The following ABCB5 variants were observed in gnomAD, a reference collection of about 807,000 sequenced individuals.
ABCB5 encodes the protein ATP-binding cassette sub-family B member 5.
Under a neutral mutation model 144.2 loss-of-function variants are expected in ABCB5, and 155 were observed. That is an observed-to-expected ratio of 1.08 (90% CI 0.94 to 1.23). The LOEUF (loss-of-function observed/expected upper bound fraction) is 1.23, where lower values mean the gene tolerates loss of function less well. Ranked by LOEUF, ABCB5 falls within the 50% of genes most tolerant of loss-of-function variation. ABCB5 has a pLI of 0.00. For synonymous variants in ABCB5, 610 were observed against 528.6 expected (o/e 1.15, Z -2.11); for missense variants, 1,830 against 1,520.8 (o/e 1.20, Z -3.38).
Position 20,755,628 on chromosome 7 carries a change from T to C in ABCB5, c.*4T>C. ...GAATGCACAGTCAGTGCAGTGATGC[T>C]GTTGAGGTAGCACATATTTTGATGT... On this transcript the variant is annotated 3_prime_UTR_variant, in exon 28 of 28. Transcript: ENST00000404938. 1 of 1,613,574 alleles carries C rather than the reference T, an allele frequency of 6.2e-7. No individual in the cohort carries two copies. Among genetic ancestry groups the C allele is most frequent in the Non-Finnish European group, 8.5e-7 (1 of 1,179,774 alleles).
At chr7:20,631,954 T>C (rs1225138641) in intron 4 of ABCB5, 105 bp from the exon 5 acceptor site, 1 of 537,592 alleles carries the variant, frequency 1.9e-6, no homozygotes, top group African/African-American at 2.0e-5. Context: ...GCAGTAAATC[T>C]GTTGTCTTAA....
intron 21 of ABCB5, among the ~76,000 whole-genome samples, chr7:20,726,623 T>G (rs1294197660): frequency 6.6e-6 from 1 of 152,202 alleles, no homozygotes; most frequent in East Asian, 1.9e-4. Context: ...CGCCTTGGCC[T>G]CCCAAAGTAC....
intron 14 of ABCB5, among the ~76,000 whole-genome samples, chr7:20,665,944 C>T (rs1051134450): frequency 6.7e-6 from 1 of 150,132 alleles, no homozygotes; most frequent in Non-Finnish European, 1.5e-5. Flanking sequence ...CAGAGACAGG[C>T]GGATCACCTA....
chr7:20,747,244 G>T (rs1782753106), intron 26 of ABCB5, among the ~76,000 whole-genome samples: 1 of 152,150 alleles, frequency 6.6e-6, no homozygotes, highest in Non-Finnish European at 1.5e-5. Context: ...GTGAAATGCT[G>T]CCCAATTGAT....
chr7:20,704,893 G>C (rs1786768902), intron 20 of ABCB5, 86 bp downstream of exon 20: 6 of 1,123,592 alleles, frequency 5.3e-6, no homozygotes, highest in African/African-American at 1.5e-5. Context: ...ATATATGTGA[G>C]CTGTGCTGAG....
At chr7:20,745,501 C>A in intron 26 of ABCB5, 63 bp downstream of exon 26, 1 of 1,449,480 alleles carries the variant, frequency 6.9e-7, no homozygotes. Flanking sequence ...AGCTACTGGG[C>A]CTATGCAGTT....
At chr7:20,754,971 C>T (rs1487483958) in intron 27 of ABCB5, among the ~76,000 whole-genome samples, 1 of 149,886 alleles carries the variant, frequency 6.7e-6, no homozygotes, top group Non-Finnish European at 1.5e-5. Context: ...TTTTTTGAGA[C>T]GGAGTTTCAC....
chr7:20,736,259 C>A (rs774972876), intron 23 of ABCB5, among the ~76,000 whole-genome samples: 5 of 152,084 alleles, frequency 3.3e-5, no homozygotes, highest in African/African-American at 4.8e-5. Context: ...CACTCTGTCA[C>A]CAGGCTGGAG....
chr7:20,719,334 T>C (rs1254840829), intron 20 of ABCB5, among the ~76,000 whole-genome samples: 2 of 152,212 alleles, frequency 1.3e-5, no homozygotes, highest in African/African-American at 4.8e-5. Context: ...GTGTAGTTCT[T>C]ATAAAAGTTA....
chr7:20,680,688 A>C (rs1297934269), intron 14 of ABCB5, among the ~76,000 whole-genome samples: 4 of 152,138 alleles, frequency 2.6e-5, no homozygotes, highest in African/African-American at 9.7e-5. Flanking sequence ...TTTGAAATGC[A>C]CTGATCTGTA....
intron 21 of ABCB5, among the ~76,000 whole-genome samples, chr7:20,725,847 C>G (rs1315838658): frequency 6.6e-6 from 1 of 152,086 alleles, no homozygotes; most frequent in Non-Finnish European, 1.5e-5. Flanking sequence ...TTCTTTAAGT[C>G]CATTTTTAAA....
intron 13 of ABCB5, among the ~76,000 whole-genome samples, chr7:20,651,973 G>A (rs1052123965): frequency 1.3e-5 from 2 of 152,092 alleles, no homozygotes; most frequent in African/African-American, 4.8e-5. Flanking sequence ...CTGTAGAGAA[G>A]AATGCATAGT....
At chr7:20,745,548 T>C (rs1782693474) in intron 26 of ABCB5, 110 bp downstream of exon 26, 1 of 1,000,608 alleles carries the variant, frequency 1.0e-6, no homozygotes, top group Admixed American at 2.7e-5. Context: ...AATGTATTTA[T>C]TGCCAGAATC....
intron 17 of ABCB5, 112 bp from the exon 18 acceptor site, chr7:20,699,713 G>GAA (rs376484007): frequency 5.5e-4 from 299 of 548,148 alleles, no homozygotes; most frequent in East Asian, 9.6e-4. Flanking sequence ...TCTCATAAAA[G>GAA]AAAAAAAAAA....
At chr7:20,664,122 G>A (rs1785095794) in intron 14 of ABCB5, among the ~76,000 whole-genome samples, 1 of 151,884 alleles carries the variant, frequency 6.6e-6, no homozygotes, top group Non-Finnish European at 1.5e-5. Flanking sequence ...AAAGAATAGT[G>A]ACAAAGAGGA....
Position 20,745,256 on chromosome 7 carries a change from G to C in ABCB5, c.3247G>C (p.Glu1083Gln). 1 of 1,613,950 alleles carries C rather than the reference G, an allele frequency of 6.2e-7. No individual in the cohort carries two copies. The highest frequency in any genetic ancestry group is 8.5e-7 in the Non-Finnish European group (1 of 1,179,878). Residue 1083 changes from glutamate to glutamine, a missense_variant, in exon 26 of 28, where the codon GAA becomes CAA. By Grantham distance (29) the Glu-to-Gln change is conservative (BLOSUM62 2). Transcript: ENST00000404938. Reference sequence around the variant, plus strand: ...GCTGTTTGATGGTGTGGATGCAAAAGAATTGAATGTACAGTGGCTCCGTTC... The same window carrying C: ...GCTGTTTGATGGTGTGGATGCAAAACAATTGAATGTACAGTGGCTCCGTTC... ...QVLFDGVDAK[E>Q]LNVQWLRSQI...
At chr7:20,622,028 C>T (rs1482968021) in intron 1 of ABCB5, among the ~76,000 whole-genome samples, 1 of 152,096 alleles carries the variant, frequency 6.6e-6, no homozygotes, top group Non-Finnish European at 1.5e-5. Flanking sequence ...TACCTGGATA[C>T]TAACCAGTGT....
At chr7:20,618,867 C>T (rs1430530272) in intron 1 of ABCB5, among the ~76,000 whole-genome samples, 3 of 149,704 alleles carry the variant, frequency 2.0e-5, no homozygotes, top group Admixed American at 6.7e-5. Flanking sequence ...CTCCACCTCC[C>T]GGGTTCAAGA....
At chr7:20,668,536 G>C (rs1405981820) in intron 14 of ABCB5, among the ~76,000 whole-genome samples, 174 of 151,632 alleles carry the variant, frequency 1.1e-3, no homozygotes, top group Non-Finnish European at 1.9e-4. Flanking sequence ...CAGCCACCCC[G>C]TCTGGGAAAT....
Sources: gnomAD v4.1 joint callset for allele counts (sites outside exome capture counted in the v4.1 genomes callset) on GRCh38, gnomAD v4.1.1 for gene constraint, MANE v1.5 for transcripts, NCBI Gene and HGNC (gene_info 2026-07-23, HGNC 2026-07-21) for gene names.